Variants in PKD2L2 observed in about 807,000 individuals in gnomAD.
PKD2L2 encodes polycystin 2 like 2, transient receptor potential cation channel, also known as polycystin-2-like protein 2.
In PKD2L2, 67 loss-of-function variants were observed where a neutral mutation model predicts 83.9. The ratio of observed to expected loss-of-function variants is 0.80; its 90% CI spans 0.66 to 0.98. The LOEUF is 0.98. PKD2L2 is among the 50% of genes least tolerant of loss of function. PKD2L2 has a pLI of 0.00. For missense variants in PKD2L2, 632 were observed against 717.2 expected (o/e 0.88, Z 1.36); for synonymous variants, 223 against 237.8 (o/e 0.94, Z 0.57).
At chr5:137,916,104 C>T (rs906238897) in intron 8 of PKD2L2, among the ~76,000 whole-genome samples, 2 of 151,604 alleles carry the variant, frequency 1.3e-5, no homozygotes, top group African/African-American at 2.4e-5. Context: ...TTCTGGGCTC[C>T]AGTGATCCAC....
At chr5:137,894,727 A>G (rs537627136) in intron 4 of PKD2L2, 118 bp downstream of exon 4, 1 of 715,872 alleles carries the variant, frequency 1.4e-6, no homozygotes, top group African/African-American at 1.8e-5. Context: ...CTGTTTCAAC[A>G]ATAGTAAAAA....
chr5:137,940,027 T>C (rs1476656254), intron 14 of PKD2L2: 11 of 1,612,002 alleles, frequency 6.8e-6, no homozygotes, highest in African/African-American at 4.0e-5. Context: ...GTGGTTAATA[T>C]GGAACATCAC....
intron 4 of PKD2L2, 151 bp from the exon 5 acceptor site, chr5:137,899,365 C>T (rs1756759079): frequency 1.7e-6 from 1 of 601,684 alleles, no homozygotes; most frequent in Non-Finnish European, 3.0e-6. Flanking sequence ...GATCCGCCTA[C>T]CTCGGCCTCC....
intron 5 of PKD2L2, among the ~76,000 whole-genome samples, chr5:137,903,430 G>A (rs1299793267): frequency 6.6e-6 from 1 of 152,118 alleles, no homozygotes; most frequent in Non-Finnish European, 1.5e-5. Flanking sequence ...ATATACCACA[G>A]GCTCTAACAT....
chr5:137,901,998 GAAA>G (rs113895657), intron 5 of PKD2L2, among the ~76,000 whole-genome samples: 8 of 142,160 alleles, frequency 5.6e-5, no homozygotes, highest in Non-Finnish European at 1.1e-4. Flanking sequence ...TGTGGATATG[GAAA>G]AAAAAAAAAA....
At chr5:137,900,695 C>T (rs1344862284) in intron 5 of PKD2L2, among the ~76,000 whole-genome samples, 1 of 152,108 alleles carries the variant, frequency 6.6e-6, no homozygotes, top group Non-Finnish European at 1.5e-5. Flanking sequence ...ATGTGAAATT[C>T]ATGAAGCCAT....
intron 12 of PKD2L2, among the ~76,000 whole-genome samples, chr5:137,930,329 A>C (rs919410089): frequency 1.3e-5 from 2 of 152,170 alleles, no homozygotes; most frequent in Admixed American, 6.5e-5. Flanking sequence ...AAATGAAAAA[A>C]TTCTTTGACT....
At chr5:137,918,530 A>G (rs763722501) in intron 8 of PKD2L2, among the ~76,000 whole-genome samples, 1 of 152,188 alleles carries the variant, frequency 6.6e-6, no homozygotes, top group Non-Finnish European at 1.5e-5. Flanking sequence ...GATCCCCAAT[A>G]TTTGAAAGAC....
Position 137,890,630 on chromosome 5 carries a change from A to G in PKD2L2, c.133+48A>G, listed in dbSNP as rs1035116631. The G allele has an allele frequency of 3.8e-6, 3 of 796,894 alleles. No individual in the cohort carries two copies. In the East Asian group the frequency reaches 8.7e-5, roughly 23 times the overall value. The allele number at this position is 796,894 out of a possible 1,614,324, so 49.4% of individuals were successfully genotyped here. ...GCTGTTTGTTTGAACTAAGAAGTTA[A>G]AATGTGGAGATGAAAAATAAAACAT... On this transcript the variant is annotated intron_variant, in intron 2 of 14. Transcript: ENST00000508883.
chr5:137,922,936 A>G (rs1309719513), intron 9 of PKD2L2, among the ~76,000 whole-genome samples: 1 of 151,852 alleles, frequency 6.6e-6, no homozygotes, highest in Non-Finnish European at 1.5e-5. Flanking sequence ...CTGCATAGTC[A>G]TCTCCCCATT....
At chr5:137,901,038 A>C (rs958754257) in intron 5 of PKD2L2, among the ~76,000 whole-genome samples, 3 of 151,918 alleles carry the variant, frequency 2.0e-5, no homozygotes, top group African/African-American at 7.3e-5. Flanking sequence ...CAGAAGGCTG[A>C]GCTGGGAGAA....
At position 137,923,016 on chromosome 5, in the gene PKD2L2, CT is replaced by C. The variant is rs576285427; in HGVS notation, c.1450-390del. Among the ~76,000 whole-genome samples, 500 of 139,114 alleles carry C rather than the reference CT, an allele frequency of 3.6e-3. 4 individuals carry two copies. The highest frequency in any genetic ancestry group is 0.012 in the Middle Eastern group (3 of 258). 91.3% of individuals were successfully genotyped at this position (139,114 alleles called of 152,430 possible). ...TTTTGTTGTTTTTCCTTTTTCTTTT[CT>C]TTTTTTTTTTTTTAGACGGAGTCTT... On this transcript the variant is annotated intron_variant, in intron 9 of 14. Coordinates refer to ENST00000508883, the MANE Select transcript of PKD2L2 (RefSeq NM_001300921.2).
At position 137,896,491 on chromosome 5, in the gene PKD2L2, G is replaced by A. The variant is rs566694612; in HGVS notation, c.524+1882G>A. On this transcript the variant is annotated intron_variant, in intron 4 of 14. Transcript: ENST00000508883. ...AGTGGTGTAATCATTGTTCACTGCA[G>A]CTTCAAACTCCTGACTCAGGCAATC... is the stretch of plus-strand genomic sequence containing the variant. Among the ~76,000 whole-genome samples the A allele has an allele frequency of 3.3e-3, 498 of 152,230 alleles. 3 individuals are homozygous for A. The highest frequency in any genetic ancestry group is 0.012 in the African/African-American group (478 of 41,546).
At chr5:137,901,001 G>C (rs150964297) in intron 5 of PKD2L2, among the ~76,000 whole-genome samples, 3 of 152,186 alleles carry the variant, frequency 2.0e-5, no homozygotes, top group African/African-American at 7.2e-5. Context: ...GCCGGGCGTG[G>C]TGGCACAGCC....
At chr5:137,903,188 C>T (rs1487560586) in intron 5 of PKD2L2, among the ~76,000 whole-genome samples, 1 of 152,210 alleles carries the variant, frequency 6.6e-6, no homozygotes, top group African/African-American at 2.4e-5. Context: ...CATCCGTCTT[C>T]TGGGTCCAAG....
At chr5:137,921,537 T>C in intron 8 of PKD2L2, 99 bp from the exon 9 acceptor site, 3 of 739,486 alleles carry the variant, frequency 4.1e-6, no homozygotes, top group East Asian at 2.5e-5. Context: ...GCATATACCA[T>C]ATGCTGCTAG....
intron 8 of PKD2L2, among the ~76,000 whole-genome samples, chr5:137,916,202 G>A (rs1758325276): frequency 1.3e-5 from 2 of 151,516 alleles, no homozygotes; most frequent in Admixed American, 1.3e-4. Context: ...TTGAGACGGA[G>A]TCTCACTCTG....
At chr5:137,898,141 A>G (rs918971947) in intron 4 of PKD2L2, among the ~76,000 whole-genome samples, 1 of 151,708 alleles carries the variant, frequency 6.6e-6, no homozygotes, top group East Asian at 1.9e-4. Flanking sequence ...TAATTTTTGT[A>G]TTTTTAGTAG....
intron 12 of PKD2L2, among the ~76,000 whole-genome samples, chr5:137,930,915 T>C (rs1390095114): frequency 6.6e-6 from 1 of 151,916 alleles, no homozygotes. Flanking sequence ...GTAGTATAAA[T>C]AAATCAAAAG....
Sources: allele counts gnomAD v4.1 joint callset (sites outside exome capture counted in the v4.1 genomes callset), GRCh38; gene constraint gnomAD v4.1.1; transcripts MANE v1.5; gene names NCBI Gene and HGNC (gene_info 2026-07-23, HGNC 2026-07-21).